The following BFSP2 variants were observed in gnomAD, a reference collection of about 807,000 sequenced individuals.
The protein encoded by BFSP2 is beaded filament structural protein 2.
BFSP2 carries 38 observed loss-of-function variants against 44.9 expected under a neutral mutation model. The ratio of observed to expected loss-of-function variants is 0.85; its 90% CI spans 0.65 to 1.11. BFSP2 has a LOEUF of 1.11. Among genes scored for constraint, BFSP2 ranks in the 50% least tolerant of loss-of-function variants. The pLI is 0.00. For synonymous variants in BFSP2, 197 were observed against 209.9 expected (o/e 0.94, Z 0.53); for missense variants, 525 against 533.0 (o/e 0.99, Z 0.15).
intron 1 of BFSP2, among the ~76,000 whole-genome samples, chr3:133,414,318 A>C (rs1459215064): frequency 1.2e-4 from 4 of 33,208 alleles, no homozygotes; most frequent in Non-Finnish European, 2.2e-4. Context: ...TCACCCCTCT[A>C]CTCACCCCTG....
At chr3:133,459,227 C>T (rs2074040490) in intron 4 of BFSP2, among the ~76,000 whole-genome samples, 1 of 152,050 alleles carries the variant, frequency 6.6e-6, no homozygotes, top group Non-Finnish European at 1.5e-5. Context: ...AACTGTAGTC[C>T]TAGCTACTCA....
chr3:133,464,428 G>T (rs1388455624), intron 4 of BFSP2, among the ~76,000 whole-genome samples: 1 of 152,168 alleles, frequency 6.6e-6, no homozygotes. Context: ...CCTTCATAGG[G>T]TTGTAAAGAT....
chr3:133,416,003 A>C (rs1323837627), intron 1 of BFSP2, among the ~76,000 whole-genome samples: 30 of 68,742 alleles, frequency 4.4e-4, no homozygotes, highest in Middle Eastern at 0.014. Flanking sequence ...TCTCCCTTCT[A>C]TTCACCCCGT....
At chr3:133,417,757 C>T (rs1442165344) in intron 1 of BFSP2, among the ~76,000 whole-genome samples, 4 of 143,792 alleles carry the variant, frequency 2.8e-5, no homozygotes, top group East Asian at 2.2e-4. Flanking sequence ...CCTCTACTCA[C>T]CTCTGTCACC....
intron 1 of BFSP2, among the ~76,000 whole-genome samples, chr3:133,435,198 A>G (rs1247364899): frequency 6.6e-6 from 1 of 152,244 alleles, no homozygotes; most frequent in African/African-American, 2.4e-5. Context: ...AATGGGCAGA[A>G]GCATTTGTCA....
intron 1 of BFSP2, among the ~76,000 whole-genome samples, chr3:133,422,087 C>G (rs1203514306): frequency 2.9e-5 from 3 of 103,816 alleles, no homozygotes; most frequent in Non-Finnish European, 5.3e-5. Context: ...AGCCTGGCAA[C>G]AAAGCGAGAC....
intron 3 of BFSP2, 143 bp from the exon 4 acceptor site, chr3:133,450,160 C>G: frequency 1.1e-6 from 1 of 930,296 alleles, no homozygotes; most frequent in South Asian, 1.4e-5. Context: ...AGGTCAGGGA[C>G]TTTCCCAGTC....
chr3:133,472,509 C>T lies in BFSP2; in HGVS notation c.1188C>T (p.Cys396=). 1 of 1,613,194 alleles carries T rather than the reference C, an allele frequency of 6.2e-7. No homozygotes were observed. Among genetic ancestry groups the T allele is most frequent in the East Asian group, 2.2e-5 (1 of 44,888 alleles). Residue 396 remains cysteine, a synonymous_variant, in exon 6 of 7, where the codon TGC becomes TGT. Coordinates refer to ENST00000302334, the MANE Select transcript of BFSP2 (RefSeq NM_003571.4). ...GCGCGCATCTGCTGGCCCGCAAGTG[C>T]CAGCTGCAGAAGGACGTGGCGTCCT... The part of the protein sequence containing the change: ...QERAHLLARK[C]QLQKDVASYH...
At chr3:133,414,950 G>A (rs2073501128) in intron 1 of BFSP2, among the ~76,000 whole-genome samples, 1 of 71,504 alleles carries the variant, frequency 1.4e-5, no homozygotes, top group African/African-American at 6.0e-5. Flanking sequence ...TACTCACCCT[G>A]CCATCTCCCC....
intron 1 of BFSP2, among the ~76,000 whole-genome samples, chr3:133,419,198 A>T (rs1449549914): frequency 6.6e-6 from 1 of 152,038 alleles, no homozygotes; most frequent in Non-Finnish European, 1.5e-5. Flanking sequence ...CACCGTCAGG[A>T]CCTCATTTTA....
At chr3:133,427,942 G>C (rs1319078198) in intron 1 of BFSP2, among the ~76,000 whole-genome samples, 2 of 152,096 alleles carry the variant, frequency 1.3e-5, no homozygotes. Context: ...AACCCTATGA[G>C]GCCATTCCTT....
intron 1 of BFSP2, among the ~76,000 whole-genome samples, chr3:133,422,384 A>G (rs2073601174): frequency 6.6e-6 from 1 of 152,160 alleles, no homozygotes; most frequent in Non-Finnish European, 1.5e-5. Flanking sequence ...TGGTAGGTAG[A>G]TGAGATGGAT....
intron 3 of BFSP2, among the ~76,000 whole-genome samples, chr3:133,450,009 G>C (rs1295077214): frequency 8.1e-6 from 1 of 123,618 alleles, no homozygotes; most frequent in South Asian, 2.9e-4. Context: ...AAGGAAGGAA[G>C]GAAGGAAGGA....
chr3:133,454,027 G>T (rs1438199821), intron 4 of BFSP2, among the ~76,000 whole-genome samples: 3 of 152,156 alleles, frequency 2.0e-5, no homozygotes, highest in Non-Finnish European at 4.4e-5. Flanking sequence ...TTTCTGGAGG[G>T]TCTTAAAGTC....
At chr3:133,432,063 C>T (rs1447261251) in intron 1 of BFSP2, among the ~76,000 whole-genome samples, 1 of 152,106 alleles carries the variant, frequency 6.6e-6, no homozygotes, top group Non-Finnish European at 1.5e-5. Context: ...TGCCCATCAC[C>T]ATCCCATTAA....
chr3:133,463,336 A>G (rs1226084381), intron 4 of BFSP2, among the ~76,000 whole-genome samples: 3 of 152,122 alleles, frequency 2.0e-5, no homozygotes, highest in Non-Finnish European at 4.4e-5. Context: ...AAAACTCTAG[A>G]GCAGAAACAA....
intron 1 of BFSP2, among the ~76,000 whole-genome samples, chr3:133,411,030 G>A (rs1187201419): frequency 6.6e-6 from 1 of 152,124 alleles, no homozygotes; most frequent in Non-Finnish European, 1.5e-5. Context: ...CTCCCCTCTT[G>A]GGAAATAGAC....
chr3:133,421,050 C>T (rs2107893945), intron 1 of BFSP2, among the ~76,000 whole-genome samples: 1 of 152,318 alleles, frequency 6.6e-6, no homozygotes, highest in Middle Eastern at 3.4e-3. Flanking sequence ...TGTGGGGATG[C>T]TGGCTGGAGA....
intron 1 of BFSP2, among the ~76,000 whole-genome samples, chr3:133,434,927 G>T (rs2073766419): frequency 6.6e-6 from 1 of 152,124 alleles, no homozygotes; most frequent in Non-Finnish European, 1.5e-5. Flanking sequence ...GAAATAAACA[G>T]CTCCATCAAG....
Sources: allele counts gnomAD v4.1 joint callset (sites outside exome capture counted in the v4.1 genomes callset), GRCh38; gene constraint gnomAD v4.1.1; transcripts MANE v1.5; gene names NCBI Gene and HGNC (gene_info 2026-07-23, HGNC 2026-07-21).